Variants in KHDRBS2 observed in about 807,000 individuals in gnomAD.
The protein encoded by KHDRBS2 is KH RNA binding domain containing, signal transduction associated 2.
Under a neutral mutation model 44.3 loss-of-function variants are expected in KHDRBS2, and 26 were observed. The ratio of observed to expected loss-of-function variants is 0.59; its 90% CI spans 0.43 to 0.81. The LOEUF is 0.81. KHDRBS2 is among the 40% of genes least tolerant of loss of function. KHDRBS2 has a pLI of 0.00. For missense variants in KHDRBS2, 476 were observed against 433.1 expected (o/e 1.10, Z -0.88); for synonymous variants, 194 against 151.1 (o/e 1.28, Z -2.08).
At chr6:61,568,548 T>C in the KHDRBS2 span, among the ~76,000 whole-genome samples, 86 of 152,324 alleles carry the variant, frequency 5.6e-4, no homozygotes, top group Non-Finnish European at 1.0e-3. Context: ...CCTTTGAATG[T>C]TACTGCAAAT....
chr6:61,572,880 T>C, the KHDRBS2 span, among the ~76,000 whole-genome samples: 1 of 152,114 alleles, frequency 6.6e-6, no homozygotes, highest in Non-Finnish European at 1.5e-5. Flanking sequence ...CAGGGAAAAC[T>C]TGAAAGCATT....
chr6:61,972,375 C>A (rs1362437377), intron 4 of KHDRBS2, among the ~76,000 whole-genome samples: 1 of 152,046 alleles, frequency 6.6e-6, no homozygotes, highest in Non-Finnish European at 1.5e-5. Flanking sequence ...TAGATGATTA[C>A]AGATGTCTTC....
chr6:61,735,646 C>A (rs76768422), intron 6 of KHDRBS2, among the ~76,000 whole-genome samples: 1,926 of 152,132 alleles, frequency 0.013, 153 homozygotes, highest in Admixed American at 0.11. Flanking sequence ...TTTTGTACAC[C>A]ATTCCACATT....
At chr6:61,558,205 AG>A in the KHDRBS2 span, among the ~76,000 whole-genome samples, 1 of 151,930 alleles carries the variant, frequency 6.6e-6, no homozygotes, top group African/African-American at 2.4e-5. Context: ...TAGGTGTTTA[AG>A]ATGAATCATT....
At chr6:61,903,265 G>C (rs1423303665) in intron 4 of KHDRBS2, among the ~76,000 whole-genome samples, 1 of 152,184 alleles carries the variant, frequency 6.6e-6, no homozygotes, top group South Asian at 2.1e-4. Flanking sequence ...GTTTCAAAGG[G>C]GATCTTTGCA....
At chr6:61,691,122 T>A (rs1767354112) in intron 8 of KHDRBS2, among the ~76,000 whole-genome samples, 1 of 152,132 alleles carries the variant, frequency 6.6e-6, no homozygotes, top group Non-Finnish European at 1.5e-5. Flanking sequence ...CTAAAATGTG[T>A]AATCACGGTT....
chr6:62,249,480 T>C (rs1836162800), intron 1 of KHDRBS2, among the ~76,000 whole-genome samples: 1 of 152,060 alleles, frequency 6.6e-6, no homozygotes, highest in Non-Finnish European at 1.5e-5. Context: ...AAATCTTGTC[T>C]AGATAATTAT....
At chr6:62,215,469 T>C (rs1829824247) in intron 1 of KHDRBS2, among the ~76,000 whole-genome samples, 2 of 151,810 alleles carry the variant, frequency 1.3e-5, no homozygotes, top group Non-Finnish European at 2.9e-5. Context: ...ACTGAGAAAC[T>C]GGAGAGCACT....
chr6:62,005,856 T>C (rs1779116750), intron 3 of KHDRBS2, among the ~76,000 whole-genome samples: 2 of 151,816 alleles, frequency 1.3e-5, no homozygotes, highest in South Asian at 2.1e-4. Flanking sequence ...CAGTAAAATA[T>C]ATAAAATTCA....
chr6:61,873,883 T>G (rs1799020580), intron 6 of KHDRBS2, among the ~76,000 whole-genome samples: 1 of 152,000 alleles, frequency 6.6e-6, no homozygotes, highest in Non-Finnish European at 1.5e-5. Flanking sequence ...TTAAAATCAA[T>G]TCAGGTCAAT....
chr6:61,955,356 A>G (rs1298456333), intron 4 of KHDRBS2, among the ~76,000 whole-genome samples: 8 of 122,330 alleles, frequency 6.5e-5, no homozygotes, highest in African/African-American at 2.6e-4. Context: ...ATACATATAT[A>G]TGTATACATA....
intron 1 of KHDRBS2, among the ~76,000 whole-genome samples, chr6:62,179,497 A>T (rs1821824122): frequency 6.6e-6 from 1 of 151,710 alleles, no homozygotes; most frequent in Non-Finnish European, 1.5e-5. Flanking sequence ...AAATCCATTC[A>T]TCATGTCCTC....
intron 1 of KHDRBS2, among the ~76,000 whole-genome samples, chr6:62,235,807 G>A (rs563394621): frequency 5.3e-5 from 8 of 151,974 alleles, no homozygotes; most frequent in East Asian, 1.9e-4. Flanking sequence ...GTACAATTTC[G>A]AGATTTCTAA....
chr6:62,185,340 A>T (rs1436225520), intron 1 of KHDRBS2, among the ~76,000 whole-genome samples: 1 of 151,958 alleles, frequency 6.6e-6, no homozygotes, highest in African/African-American at 2.4e-5. Context: ...AAATGATAAC[A>T]TGCTAACCTT....
At chr6:62,260,232 T>G (rs1002304707) in intron 1 of KHDRBS2, among the ~76,000 whole-genome samples, 4 of 152,054 alleles carry the variant, frequency 2.6e-5, no homozygotes, top group Non-Finnish European at 5.9e-5. Context: ...TAAAGATTAA[T>G]GTAGATTGTG....
intron 2 of KHDRBS2, among the ~76,000 whole-genome samples, chr6:62,096,096 A>C (rs191965893): frequency 6.6e-6 from 1 of 151,774 alleles, no homozygotes; most frequent in Non-Finnish European, 1.5e-5. Context: ...AATCTTTTTG[A>C]CGTGCTTTTG....
intron 1 of KHDRBS2, among the ~76,000 whole-genome samples, chr6:62,241,863 G>A (rs73760332): frequency 0.012 from 1,762 of 152,152 alleles, 36 homozygotes; most frequent in African/African-American, 0.039. Context: ...GTCTGGCTCC[G>A]AAAATAATGT....
intron 2 of KHDRBS2, among the ~76,000 whole-genome samples, chr6:62,050,522 C>A (rs1788771089): frequency 6.6e-6 from 1 of 151,772 alleles, no homozygotes; most frequent in South Asian, 2.1e-4. Context: ...AGAGAAAACA[C>A]TCCTTACCTC....
chr6:61,782,459 G>A (rs1463581195), intron 6 of KHDRBS2, among the ~76,000 whole-genome samples: 1 of 151,550 alleles, frequency 6.6e-6, no homozygotes, highest in Admixed American at 6.6e-5. Context: ...GAATTACGTG[G>A]AAGTTTAATA....
Sources: allele counts gnomAD v4.1 joint callset (sites outside exome capture counted in the v4.1 genomes callset), GRCh38; gene constraint gnomAD v4.1.1; transcripts MANE v1.5; gene names NCBI Gene and HGNC (gene_info 2026-07-23, HGNC 2026-07-21).